MARCHF10: variants seen among roughly 807,000 people sequenced by gnomAD.
The protein encoded by MARCHF10 is probable E3 ubiquitin-protein ligase MARCHF10.
A neutral mutation model predicts 76.2 loss-of-function variants in MARCHF10; 64 were observed. The observed-to-expected ratio is 0.84, with a 90% CI of 0.69 to 1.03. The LOEUF (loss-of-function observed/expected upper bound fraction) is 1.03, where lower values mean the gene tolerates loss of function less well. Among genes scored for constraint, MARCHF10 ranks in the 50% least tolerant of loss-of-function variants. The pLI is 0.00. For synonymous variants in MARCHF10, 340 were observed against 357.5 expected (o/e 0.95, Z 0.55); for missense variants, 875 against 958.0 (o/e 0.91, Z 1.14).
intron 1 of MARCHF10, among the ~76,000 whole-genome samples, chr17:62,805,913 A>AT (rs2093156235): frequency 7.9e-6 from 1 of 127,020 alleles, no homozygotes; most frequent in African/African-American, 3.4e-5. Context: ...AAAAATAAAA[A>AT]AAAATAATAA....
At chr17:62,766,682 G>C (rs2092339978) in intron 3 of MARCHF10, among the ~76,000 whole-genome samples, 2 of 152,020 alleles carry the variant, frequency 1.3e-5, no homozygotes, top group South Asian at 4.2e-4. Context: ...GCAACACCAG[G>C]GGGCTTGGCC....
chr17:62,797,656 G>T (rs1214016563), intron 2 of MARCHF10, among the ~76,000 whole-genome samples: 1 of 152,172 alleles, frequency 6.6e-6, no homozygotes, highest in Non-Finnish European at 1.5e-5. Flanking sequence ...AGTGTAGGTT[G>T]GTTTTGCTTA....
chr17:62,769,046 C>T (rs1368832853), intron 3 of MARCHF10, among the ~76,000 whole-genome samples: 1 of 152,200 alleles, frequency 6.6e-6, no homozygotes, highest in East Asian at 1.9e-4. Context: ...ATGTCTTACG[C>T]TCTAAATTTG....
rs542081803 is a variant in MARCHF10 at position 62,746,991 on chromosome 17, C to G, written c.383-2463G>C. On this transcript the variant is annotated intron_variant, in intron 4 of 10. Transcript: ENST00000311269. ...GGCTCTGACTCTGCTTTGGAAAAAA[C>G]CCTTACTTTCAGCGTTTTTAAAAAA... 1.6e-5 allele frequency: 24 copies of G among 1,528,504 alleles called. 1 individual carries two copies. In the South Asian group the frequency reaches 2.9e-4, roughly 18 times the overall value. The allele number at this position is 1,528,504 out of a possible 1,614,324, so 94.7% of individuals were successfully genotyped here.
intron 8 of MARCHF10, among the ~76,000 whole-genome samples, chr17:62,719,284 A>G (rs1312944209): frequency 2.0e-5 from 3 of 152,368 alleles, no homozygotes; most frequent in East Asian, 3.9e-4. Flanking sequence ...TAATATTTTC[A>G]AATGATCATT....
At chr17:62,704,387 C>T (rs1208547956) in intron 10 of MARCHF10, among the ~76,000 whole-genome samples, 1 of 152,308 alleles carries the variant, frequency 6.6e-6, no homozygotes, top group Admixed American at 6.5e-5. Context: ...ATCGGCCAGA[C>T]CCCGCGGTTG....
intron 7 of MARCHF10, 97 bp from the exon 8 acceptor site, chr17:62,722,694 T>C: frequency 1.0e-6 from 1 of 967,210 alleles, no homozygotes; most frequent in Non-Finnish European, 1.5e-6. Flanking sequence ...CTTGTGTGTG[T>C]TATGAATTCT....
chr17:62,794,219 TCCA>T (rs532862509), intron 2 of MARCHF10, among the ~76,000 whole-genome samples: 218 of 147,016 alleles, frequency 1.5e-3, no homozygotes, highest in Middle Eastern at 3.6e-3. Context: ...CACTACCACC[TCCA>T]CCACCACCAC....
chr17:62,744,359 G>A lies in MARCHF10; in HGVS notation c.535+17C>T. 2 of 1,604,774 alleles carry A rather than the reference G, an allele frequency of 1.2e-6. No homozygotes were observed. Among genetic ancestry groups the A allele is most frequent in the Non-Finnish European group, 1.7e-6 (2 of 1,177,260 alleles). On this transcript the variant is annotated intron_variant, in intron 5 of 10. Transcript: ENST00000311269. ...CTCCTCTCCAAGGACAAAGGTTCGGGAGCCCCGGGTCCTTACCTGCTCCCC... is the reference window on the plus strand; with the variant it reads ...CTCCTCTCCAAGGACAAAGGTTCGGAAGCCCCGGGTCCTTACCTGCTCCCC...
intron 4 of MARCHF10, among the ~76,000 whole-genome samples, chr17:62,755,569 G>A (rs964841358): frequency 1.3e-5 from 2 of 152,122 alleles, no homozygotes; most frequent in African/African-American, 4.8e-5. Context: ...CTAAGAACAT[G>A]TAACTCCACT....
intron 4 of MARCHF10, among the ~76,000 whole-genome samples, chr17:62,745,812 C>A (rs150100391): frequency 1.4e-3 from 210 of 152,250 alleles, no homozygotes; most frequent in African/African-American, 4.9e-3. Context: ...CGTCAGTGCA[C>A]GTGAATGTGG....
Position 62,741,021 on chromosome 17 carries a change from C to T in MARCHF10, c.535+3355G>A, listed in dbSNP as rs72843605. Among the ~76,000 whole-genome samples the T allele has an allele frequency of 4.4e-3, 676 of 152,234 alleles. 3 individuals are homozygous for T. Among genetic ancestry groups the T allele is most frequent in the Middle Eastern group, 0.01 (3 of 294 alleles). On this transcript the variant is annotated intron_variant, in intron 5 of 10. Transcript: ENST00000311269. ...GCTCCATAACCCGTTATGCATCTGTCCTGCTATATCCACCTGCTCCCTGAA... is the reference window on the plus strand; with the variant it reads ...GCTCCATAACCCGTTATGCATCTGTTCTGCTATATCCACCTGCTCCCTGAA...
chr17:62,731,960 T>C (rs1465325987), intron 6 of MARCHF10, among the ~76,000 whole-genome samples: 1 of 152,128 alleles, frequency 6.6e-6, no homozygotes, highest in African/African-American at 2.4e-5. Flanking sequence ...TTGGCAAAAA[T>C]ACAGAGAAAA....
chr17:62,747,301 A>G (rs2091740433), intron 4 of MARCHF10, among the ~76,000 whole-genome samples: 1 of 152,110 alleles, frequency 6.6e-6, no homozygotes, highest in Admixed American at 6.6e-5. Context: ...ATAAAAGGTT[A>G]TTTAATTTGT....
chr17:62,716,130 A>G (rs960179209), intron 8 of MARCHF10, among the ~76,000 whole-genome samples: 13 of 152,164 alleles, frequency 8.5e-5, no homozygotes, highest in African/African-American at 2.9e-4. Context: ...TCGGAGTCCC[A>G]CAGCTGTTCC....
intron 3 of MARCHF10, among the ~76,000 whole-genome samples, chr17:62,782,504 C>T (rs1308978847): frequency 1.2e-4 from 19 of 152,084 alleles, no homozygotes; most frequent in African/African-American, 3.4e-4. Flanking sequence ...CATGCCACCA[C>T]GCCCAGTTAA....
At chr17:62,717,303 C>T (rs2147655075) in intron 8 of MARCHF10, among the ~76,000 whole-genome samples, 1 of 152,370 alleles carries the variant, frequency 6.6e-6, no homozygotes, top group Admixed American at 6.5e-5. Flanking sequence ...TGGCTCTCCC[C>T]ACAGGGCGGG....
intron 3 of MARCHF10, among the ~76,000 whole-genome samples, chr17:62,781,832 A>G (rs1007044715): frequency 6.6e-6 from 1 of 152,232 alleles, no homozygotes; most frequent in Non-Finnish European, 1.5e-5. Context: ...AAACTGCAAT[A>G]TAAGTGTCAA....
intron 2 of MARCHF10, among the ~76,000 whole-genome samples, chr17:62,793,918 C>T (rs1178594673): frequency 6.6e-6 from 1 of 150,464 alleles, no homozygotes; most frequent in Non-Finnish European, 1.5e-5. Flanking sequence ...ATCATCACCA[C>T]CACCACCACC....
Sources: allele counts gnomAD v4.1 joint callset (sites outside exome capture counted in the v4.1 genomes callset), GRCh38; gene constraint gnomAD v4.1.1; transcripts MANE v1.5; gene names NCBI Gene and HGNC (gene_info 2026-07-23, HGNC 2026-07-21).